Variants in FAT2 observed in about 807,000 individuals in gnomAD.
FAT2 encodes the protein FAT atypical cadherin 2.
In FAT2, 150 loss-of-function variants were observed where a neutral mutation model predicts 295.3. That is an observed-to-expected ratio of 0.51 (90% CI 0.44 to 0.58). FAT2 has a LOEUF of 0.58. FAT2 is among the 20% of genes least tolerant of loss of function. The pLI, the probability that FAT2 is intolerant of heterozygous loss-of-function variation, is 0.00. For synonymous variants in FAT2, 2,026 were observed against 2,150.3 expected (o/e 0.94, Z 1.60); for missense variants, 4,868 against 5,442.7 (o/e 0.89, Z 3.32).
Position 151,568,285 on chromosome 5 carries a change from T to C in FAT2, c.647A>G (p.Lys216Arg). ...CACAGCTAGCACCTGGAGCTCATGCTTTCCTCGCCAGGTGACGTTAAGCTT... is the reference window on the plus strand; with the variant it reads ...CACAGCTAGCACCTGGAGCTCATGCCTTCCTCGCCAGGTGACGTTAAGCTT... ...AGKLNVTWRG[K>R]HELQVLAVDR... is the part of the protein sequence containing the mutation. The change falls in exon 2 of 24, where the codon AAG (lysine) becomes AGG (arginine). Residue 216 changes from lysine (K) to arginine (R), a missense_variant. Lys to Arg is a conservative substitution (Grantham distance 26). Around this residue, in one of 5 missense-constraint regions of FAT2, gnomAD observed 3,297 missense variants for 3,669.4 expected, o/e 0.90. Transcript: ENST00000261800. 1.9e-6 allele frequency: 3 copies of C among 1,614,184 alleles called. No homozygotes were observed. Among genetic ancestry groups the C allele is most frequent in the Non-Finnish European group, 2.5e-6 (3 of 1,180,026 alleles).
chr5:151,506,685 A>G (rs1007033868), intron 23 of FAT2, among the ~76,000 whole-genome samples: 17 of 152,228 alleles, frequency 1.1e-4, no homozygotes, highest in Non-Finnish European at 2.1e-4. Context: ...ATGCCAAAAC[A>G]TGAAGTGCTT....
Position 151,505,639 on chromosome 5 carries a change from G to A in FAT2, c.12976C>T (p.Arg4326Trp), listed in dbSNP as rs2127562118. The change falls in exon 24 of 24, where the codon CGG becomes TGG. Residue 4326 changes from arginine to tryptophan, a missense_variant. Coordinates refer to ENST00000261800, the MANE Select transcript of FAT2 (RefSeq NM_001447.3). The part of the protein sequence containing the change: ...GAPLAGQGQP[R>W]VPPNYEGSDM... ...GAGCCCTCATAGTTGGGGGGCACCC[G>A]GGGCTGGCCCTGGCCTGCAAGAGGT... 5 of 1,614,110 alleles carry A rather than the reference G, an allele frequency of 3.1e-6. No individual in the cohort carries two copies. Among genetic ancestry groups the A allele is most frequent in the Middle Eastern group, 1.6e-4 (1 of 6,062 alleles).
Position 151,543,063 on chromosome 5 carries a change from T to G in FAT2, c.8064A>C (p.Leu2688Phe). Reference protein sequence around the residue: ...RLQVVPKKVSLPKFSEPLYTF... With the variant: ...RLQVVPKKVSFPKFSEPLYTF... ...TATACAAAGGTTCAGAAAATTTCGG[T>G]AAGGATACTTTTTTAGGAACCACCT... The change falls in exon 10 of 24, where the codon TTA becomes TTC. Residue 2688 changes from leucine to phenylalanine, a missense_variant. Coordinates refer to ENST00000261800, the MANE Select transcript of FAT2 (RefSeq NM_001447.3). 6.2e-7 allele frequency: 1 copy of G among 1,614,154 alleles called. No homozygotes were observed. Among genetic ancestry groups the G allele is most frequent in the Non-Finnish European group, 8.5e-7 (1 of 1,180,030 alleles).
In FAT2 at chr5:151,542,338, G is replaced by T; in HGVS notation, c.8789C>A (p.Thr2930Asn). The change falls in exon 10 of 24, where the codon ACC becomes AAC. Residue 2930 changes from threonine to asparagine, a missense_variant. By Grantham distance (65) the Thr-to-Asn change is moderately conservative. This residue lies in a region of FAT2 where 3,297 missense variants were observed against 3,669.4 expected (regional missense o/e 0.90). Transcript: ENST00000261800. The part of the protein sequence containing the change: ...EPGELVATLK[T>N]LDADISEQNR... ...CTGCTCAGAAATGTCAGCATCCAGG[G>T]TCTTTAGAGTCGCCACCAGTTCGCC... 6.2e-7 allele frequency: 1 copy of T among 1,613,710 alleles called. No homozygotes were observed.
At position 151,567,414 on chromosome 5, in the gene FAT2, A is replaced by G. The variant is rs1240183407; in HGVS notation, c.1518T>C (p.Ser506=). 3.7e-5 allele frequency: 60 copies of G among 1,614,118 alleles called. No individual in the cohort carries two copies. The highest frequency in any genetic ancestry group is 4.8e-5 in the Non-Finnish European group (57 of 1,180,050). ...SIAGPKALPF[S]IDPYLGIIST... ...AGATGATCCCCAGGTAGGGGTCAAT[A>G]GAAAATGGCAAAGCTTTTGGTCCAG... The change falls in exon 2 of 24, where the codon TCT becomes TCC. Residue 506 remains serine (S), a synonymous_variant. Coordinates refer to ENST00000261800, the MANE Select transcript of FAT2 (RefSeq NM_001447.3).
rs1755019749 is a variant in FAT2 at position 151,534,524 on chromosome 5, C to T, written c.9312G>A (p.Glu3104=). The T allele has an allele frequency of 1.9e-6, 3 of 1,614,162 alleles. No homozygotes were observed. The highest frequency in any genetic ancestry group is 2.5e-6 in the Non-Finnish European group (3 of 1,180,022). Residue 3104 remains glutamate (E), a synonymous_variant, in exon 13 of 24, where the codon GAG becomes GAA. Coordinates refer to ENST00000261800, the MANE Select transcript of FAT2 (RefSeq NM_001447.3). The stretch of plus-strand genomic sequence containing the variant: ...ACCGCGGGGCATTGTCATTCACATC[C>T]TCCACATGGAGGGTGATGTCTGCCT... ...SCQADITLHV[E]DVNDNAPRFF...
intron 22 of FAT2, among the ~76,000 whole-genome samples, chr5:151,508,243 C>T (rs1014761268): frequency 1.3e-5 from 2 of 152,168 alleles, no homozygotes; most frequent in African/African-American, 2.4e-5. Context: ...TCTCAGTGCC[C>T]GAAATGTCAC....
chr5:151,560,614 G>A (rs1757976189), intron 3 of FAT2, among the ~76,000 whole-genome samples: 1 of 152,142 alleles, frequency 6.6e-6, no homozygotes, highest in South Asian at 2.1e-4. Context: ...CTTCTGAGTG[G>A]CCAGGGCACT....
At position 151,512,932 on chromosome 5, in the gene FAT2, A is replaced by T. The variant is rs1333247266; in HGVS notation, c.11464-326T>A. ...TCTTCACAGGCCTGTCCAGAGTTCC[A>T]CACTTGTGAATATTGGCCTTCAGCG... On this transcript the variant is annotated intron_variant, in intron 20 of 23. Coordinates refer to ENST00000261800, the MANE Select transcript of FAT2 (RefSeq NM_001447.3). This position sits in a 1 kb window ranked among gnomAD's most constrained non-coding sequence, Gnocchi z 4.1. Among the ~76,000 whole-genome samples the T allele has an allele frequency of 6.6e-6, 1 of 152,182 alleles. No homozygotes were observed. The highest frequency in any genetic ancestry group is 1.5e-5 in the Non-Finnish European group (1 of 68,032).
intron 6 of FAT2, among the ~76,000 whole-genome samples, 183 bp downstream of exon 6, chr5:151,552,994 G>A (rs924002132): frequency 5.3e-5 from 8 of 152,346 alleles, no homozygotes; most frequent in Admixed American, 2.0e-4. Flanking sequence ...TGGCAGACGT[G>A]GCATTCTTAC....
intron 8 of FAT2, 101 bp downstream of exon 8, chr5:151,550,489 C>T: frequency 7.5e-7 from 1 of 1,334,014 alleles, no homozygotes; most frequent in Non-Finnish European, 1.0e-6. Context: ...CGTGCATGGT[C>T]CTTATGAGGG....
chr5:151,518,769 C>T (rs1753144977), intron 19 of FAT2, among the ~76,000 whole-genome samples: 1 of 152,210 alleles, frequency 6.6e-6, no homozygotes, highest in African/African-American at 2.4e-5. Context: ...GACTGTGGGA[C>T]ACTCTTATGT....
chr5:151,582,169 C>G (rs1163284295), intron 1 of FAT2, among the ~76,000 whole-genome samples: 1 of 152,220 alleles, frequency 6.6e-6, no homozygotes. Flanking sequence ...TTTGGGAGCA[C>G]CCTGAGTAAC....
At chr5:151,522,878 G>A (rs1404307262) in intron 18 of FAT2, among the ~76,000 whole-genome samples, 1 of 152,186 alleles carries the variant, frequency 6.6e-6, no homozygotes, top group African/African-American at 2.4e-5. Context: ...CACGCGCAGG[G>A]TTGCAGTTAA....
At position 151,544,231 on chromosome 5, in the gene FAT2, TGGTCAGAAGCCAACAGTTGGATCACA is replaced by T. The variant is rs1756417628; in HGVS notation, c.6870_6895del (p.Val2291GlyfsTer7). On this transcript the variant is annotated frameshift_variant, in exon 10 of 24. Transcript: ENST00000261800. LOFTEE classifies it high-confidence loss of function. ...GACGTCACGGTTCCGCCCTGAGTCCTGGTCAGAAGCCAACAGTTGGATCACAGGGGTCTGAGCAGGCAAGCCTTCTG... is the reference window on the plus strand; with the variant it reads ...GACGTCACGGTTCCGCCCTGAGTCCTGGGGTCTGAGCAGGCAAGCCTTCTG... 1.2e-6 allele frequency: 2 copies of T among 1,614,086 alleles called. No individual in the cohort carries two copies. The highest frequency in any genetic ancestry group is 2.7e-5 in the African/African-American group (2 of 74,940).
chr5:151,566,294 G>C lies in FAT2; in HGVS notation c.2638C>G (p.His880Asp). 1.9e-6 allele frequency: 3 copies of C among 1,614,132 alleles called. No individual in the cohort carries two copies. Among genetic ancestry groups the C allele is most frequent in the Non-Finnish European group, 2.5e-6 (3 of 1,180,030 alleles). Residue 880 changes from histidine (H) to aspartate (D), a missense_variant, in exon 2 of 24, where the codon CAC becomes GAC. This residue lies in a region of FAT2 where 3,297 missense variants were observed against 3,669.4 expected (regional missense o/e 0.90). Coordinates refer to ENST00000261800, the MANE Select transcript of FAT2 (RefSeq NM_001447.3). Reference sequence around the variant, plus strand: ...CGAGGCTCTGATTCGCGGTCCAGGTGTCCTGTAACAACCAGTTCCCCAGTG... The same window carrying C: ...CGAGGCTCTGATTCGCGGTCCAGGTCTCCTGTAACAACCAGTTCCCCAGTG... ...PLTGELVVTG[H>D]LDRESEPRYI...
chr5:151,573,306 G>A (rs1429791723), intron 1 of FAT2, among the ~76,000 whole-genome samples: 3 of 152,206 alleles, frequency 2.0e-5, no homozygotes, highest in Admixed American at 2.0e-4. Flanking sequence ...ATATTACCTA[G>A]TAATACAACT....
At chr5:151,559,403 G>T (rs980145892) in intron 3 of FAT2, among the ~76,000 whole-genome samples, 1 of 152,100 alleles carries the variant, frequency 6.6e-6, no homozygotes, top group Non-Finnish European at 1.5e-5. Context: ...TCCCAGCTTG[G>T]CCCCAAGCTG....
chr5:151,549,564 T>C (rs1756988146), intron 8 of FAT2, 59 bp from the exon 9 acceptor site: 1 of 1,478,892 alleles, frequency 6.8e-7, no homozygotes, highest in African/African-American at 1.4e-5. Flanking sequence ...GAGGCAGGGT[T>C]AGGGTAAGGT....
Sources: allele counts gnomAD v4.1 joint callset (sites outside exome capture counted in the v4.1 genomes callset), GRCh38; gene constraint gnomAD v4.1.1; regional missense constraint gnomAD v4.1.1; non-coding constraint Gnocchi (gnomAD v3.1); transcripts MANE v1.5; gene names NCBI Gene and HGNC (gene_info 2026-07-23, HGNC 2026-07-21).